SEC24D: variants seen among roughly 807,000 people sequenced by gnomAD.
The protein encoded by SEC24D is protein transport protein Sec24D.
SEC24D carries 69 observed loss-of-function variants against 116.9 expected under a neutral mutation model. The observed-to-expected ratio is 0.59, with a 90% CI of 0.49 to 0.72. The LOEUF is 0.72. SEC24D is among the 30% of genes least tolerant of loss of function. The pLI is 0.00. For synonymous variants in SEC24D, 405 were observed against 442.8 expected (o/e 0.91, Z 1.07); for missense variants, 1,131 against 1,264.1 (o/e 0.89, Z 1.60).
intron 13 of SEC24D, among the ~76,000 whole-genome samples, chr4:118,750,416 G>A (rs905435532): frequency 3.9e-5 from 6 of 152,264 alleles, no homozygotes; most frequent in Admixed American, 1.3e-4. Context: ...ATGAAATATG[G>A]GGTTGAGCTG....
At chr4:118,791,843 TGG>T (rs1728924403) in intron 8 of SEC24D, among the ~76,000 whole-genome samples, 1 of 152,192 alleles carries the variant, frequency 6.6e-6, no homozygotes, top group South Asian at 2.1e-4. Flanking sequence ...TTGCCCAGGC[TGG>T]AGTGCAGTGG....
intron 6 of SEC24D, among the ~76,000 whole-genome samples, chr4:118,810,384 G>C (rs906249657): frequency 6.6e-6 from 1 of 152,098 alleles, no homozygotes; most frequent in African/African-American, 2.4e-5. Context: ...GTAGGACCAA[G>C]AGAATTAGCT....
chr4:118,732,713 C>T lies in SEC24D; in HGVS notation c.2676+20G>A, dbSNP rs1725753292. The T allele has an allele frequency of 6.2e-7, 1 of 1,607,564 alleles. No homozygotes were observed. Among genetic ancestry groups the T allele is most frequent in the Middle Eastern group, 1.7e-4 (1 of 6,022 alleles). ...CCCTTCCAGCCTCCTCTGGGAAATG[C>T]ACCACCCCAGCATGCTTACTATGGG... On this transcript the variant is annotated intron_variant, in intron 20 of 22. Transcript: ENST00000280551.
intron 13 of SEC24D, among the ~76,000 whole-genome samples, chr4:118,747,883 T>C (rs1726619139): frequency 6.6e-6 from 1 of 152,212 alleles, no homozygotes; most frequent in Non-Finnish European, 1.5e-5. Context: ...AGGCAATACA[T>C]TAAACTACAC....
rs575706291 is a variant in SEC24D at position 118,780,583 on chromosome 4, T to A, written c.1042-12272A>T. 1.2e-3 allele frequency among the ~76,000 whole-genome samples: 177 copies of A among 152,298 alleles called. 1 individual carries two copies. Among genetic ancestry groups the A allele is most frequent in the Admixed American group, 5.0e-3 (77 of 15,300 alleles). ...TGAGATGAATGTATATTCTGTTGATTTGGGGTGGAGGGTTCTGTAGATGTC... is the reference window on the plus strand; with the variant it reads ...TGAGATGAATGTATATTCTGTTGATATGGGGTGGAGGGTTCTGTAGATGTC... On this transcript the variant is annotated intron_variant, in intron 8 of 22. Coordinates refer to ENST00000280551, the MANE Select transcript of SEC24D (RefSeq NM_014822.4).
chr4:118,832,222 G>A (rs1164779039), intron 2 of SEC24D, among the ~76,000 whole-genome samples: 1 of 152,122 alleles, frequency 6.6e-6, no homozygotes, highest in Non-Finnish European at 1.5e-5. Flanking sequence ...TCGACAGAGG[G>A]AGACTCCACC....
rs1387792094 is a variant in SEC24D at position 118,757,712 on chromosome 4, T to C, written c.1421+9A>G. ...GTATAAGTTGTAAAAAGAATGACGG[T>C]TGCCTTACTTTGGAATTTTTTCCAG... On this transcript the variant is annotated intron_variant, in intron 11 of 22. Transcript: ENST00000280551. The C allele has an allele frequency of 6.2e-7, 1 of 1,604,998 alleles. No homozygotes were observed. The highest frequency in any genetic ancestry group is 8.5e-7 in the Non-Finnish European group (1 of 1,176,860).
chr4:118,816,765 G>T (rs1178467278), intron 4 of SEC24D: 2 of 454,502 alleles, frequency 4.4e-6, no homozygotes, highest in Admixed American at 2.4e-5. Context: ...CATTTCTGTT[G>T]ATGTAAATCT....
Position 118,751,984 on chromosome 4 carries a change from G to T in SEC24D, c.1707+12C>A. On this transcript the variant is annotated intron_variant, in intron 13 of 22. Transcript: ENST00000280551. ...ATTTATTTACTAGCAATTAGAAGTG[G>T]CTTCTTCTCACCTTTAGTGCTTCCA... The T allele has an allele frequency of 1.3e-6, 2 of 1,552,848 alleles. No homozygotes were observed. Among genetic ancestry groups the T allele is most frequent in the Non-Finnish European group, 1.8e-6 (2 of 1,128,374 alleles).
chr4:118,792,551 A>T (rs1257962749), intron 8 of SEC24D, among the ~76,000 whole-genome samples: 2 of 152,158 alleles, frequency 1.3e-5, no homozygotes, highest in Non-Finnish European at 2.9e-5. Context: ...TACTAAGAAA[A>T]ATTCTTCTGC....
intron 11 of SEC24D, among the ~76,000 whole-genome samples, chr4:118,753,587 C>T (rs1185536347): frequency 5.9e-5 from 9 of 151,458 alleles, no homozygotes; most frequent in Admixed American, 3.3e-4. Context: ...TAAGGAATTC[C>T]AAAACGAGGC....
chr4:118,792,718 T>A (rs956036352), intron 8 of SEC24D, among the ~76,000 whole-genome samples: 13 of 151,996 alleles, frequency 8.6e-5, no homozygotes, highest in African/African-American at 2.4e-4. Context: ...TCATCACCAC[T>A]CCCTAATCTC....
At chr4:118,835,137 C>A (rs943353648) in intron 1 of SEC24D, among the ~76,000 whole-genome samples, 17 of 152,178 alleles carry the variant, frequency 1.1e-4, no homozygotes, top group Non-Finnish European at 4.4e-5. Flanking sequence ...TGGTCAAGCT[C>A]ATCCAACCAA....
intron 7 of SEC24D, among the ~76,000 whole-genome samples, chr4:118,799,452 C>G (rs568511049): frequency 2.0e-5 from 3 of 152,142 alleles, no homozygotes; most frequent in South Asian, 2.1e-4. Context: ...ATATGTACAT[C>G]TGGAGACTGG....
rs200992653 is a variant in SEC24D at position 118,757,744 on chromosome 4, C to T, written c.1398G>A (p.Lys466=). 4.4e-6 allele frequency: 7 copies of T among 1,608,000 alleles called. No individual in the cohort carries two copies. Among genetic ancestry groups the T allele is most frequent in the Middle Eastern group, 3.3e-4 (2 of 6,032 alleles). The change falls in exon 11 of 23, where the codon AAG becomes AAA. Residue 466 remains lysine (K), a synonymous_variant. Coordinates refer to ENST00000280551, the MANE Select transcript of SEC24D (RefSeq NM_014822.4). ...ACTTTGGAATTTTTTCCAGCATGGT[C>T]TTCAGTTCTTCACATATGAGCTTGA... ...GLVKLICEEL[K]TMLEKIPKEE... is the part of the protein sequence containing the mutation.
chr4:118,774,758 A>G (rs1304361814), intron 8 of SEC24D, among the ~76,000 whole-genome samples: 1 of 152,096 alleles, frequency 6.6e-6, no homozygotes, highest in African/African-American at 2.4e-5. Context: ...CATTCTCTAT[A>G]GGAGCTGCCA....
chr4:118,824,090 A>G (rs1295114397), intron 3 of SEC24D, among the ~76,000 whole-genome samples: 3 of 152,204 alleles, frequency 2.0e-5, no homozygotes, highest in African/African-American at 7.2e-5. Flanking sequence ...TGGTATTGAC[A>G]CAAGTAATTT....
At chr4:118,809,535 T>G (rs1428700352) in intron 6 of SEC24D, among the ~76,000 whole-genome samples, 2 of 152,232 alleles carry the variant, frequency 1.3e-5, no homozygotes, top group Non-Finnish European at 2.9e-5. Context: ...AGGCTCCATC[T>G]GACCATCACT....
chr4:118,834,467 T>C (rs1227618631), intron 1 of SEC24D, among the ~76,000 whole-genome samples: 1 of 152,044 alleles, frequency 6.6e-6, no homozygotes, highest in Admixed American at 6.5e-5. Flanking sequence ...ATCACAAATA[T>C]AACAGACTCA....
Sources: gnomAD v4.1 joint callset for allele counts (sites outside exome capture counted in the v4.1 genomes callset) on GRCh38, gnomAD v4.1.1 for gene constraint, MANE v1.5 for transcripts, NCBI Gene and HGNC (gene_info 2026-07-23, HGNC 2026-07-21) for gene names.